The following TIAM1 variants were observed in gnomAD, a reference collection of about 807,000 sequenced individuals.
The protein encoded by TIAM1 is rho guanine nucleotide exchange factor TIAM1.
A neutral mutation model predicts 163.5 loss-of-function variants in TIAM1; 65 were observed. The observed-to-expected ratio is 0.40, with a 90% CI of 0.33 to 0.49. TIAM1 has a LOEUF of 0.49. Among genes scored for constraint, TIAM1 ranks in the 20% least tolerant of loss-of-function variants. The pLI is 0.77. For synonymous variants in TIAM1, 833 were observed against 810.1 expected, an observed-to-expected ratio of 1.03 and a Z score of -0.48; for missense variants, 1,789 against 2,044.7, an observed-to-expected ratio of 0.87 and a Z score of 2.41.
In TIAM1 at chr21:31,210,746, GGGAGAAAGAA is replaced by G. The variant is rs1569034186; in HGVS notation, c.2218-541_2218-532del. Among the ~76,000 whole-genome samples, 112 of 82,234 alleles carry G rather than the reference GGGAGAAAGAA, an allele frequency of 1.4e-3. 2 individuals carry two copies. The highest frequency in any genetic ancestry group is 8.8e-3 in the East Asian group (25 of 2,832). 53.9% of individuals were successfully genotyped at this position (82,234 alleles called of 152,430 possible). On this transcript the variant is annotated intron_variant, in intron 10 of 27. Transcript: ENST00000541036. ...GAAAGAAAGAGAAAGAAGGAAGGAAGGGAGAAAGAAAGAAAGAAAGAAAGAAAGAAAGAAA... is the reference window on the plus strand; with the variant it reads ...GAAAGAAAGAGAAAGAAGGAAGGAAGAGAAAGAAAGAAAGAAAGAAAGAAA...
Position 31,130,341 on chromosome 21 carries a change from A to G in TIAM1, c.3943-26T>C. The G allele has an allele frequency of 4.4e-6, 7 of 1,587,722 alleles. No individual in the cohort carries two copies. In the South Asian group the frequency reaches 4.4e-5, roughly 10 times the overall value. ...CTGCAGAGGAGAAGGAACCAGCTGCATAAGAAGAATCTAACCTGCCCCGGA... is the reference window on the plus strand; with the variant it reads ...CTGCAGAGGAGAAGGAACCAGCTGCGTAAGAAGAATCTAACCTGCCCCGGA... On this transcript the variant is annotated intron_variant, in intron 24 of 27. Coordinates refer to ENST00000541036, the MANE Select transcript of TIAM1 (RefSeq NM_001353694.2).
chr21:31,339,821 A>G (rs1312292801), intron 1 of TIAM1, among the ~76,000 whole-genome samples: 1 of 152,206 alleles, frequency 6.6e-6, no homozygotes, highest in East Asian at 1.9e-4. Context: ...CTTCCCTAAA[A>G]GTGTTACCAA....
chr21:31,171,689 C>T (rs2084521034), intron 15 of TIAM1, among the ~76,000 whole-genome samples: 1 of 152,166 alleles, frequency 6.6e-6, no homozygotes, highest in South Asian at 2.1e-4. Context: ...TAAGCGCAGA[C>T]TTTTATGTCT....
chr21:31,486,150 G>A (rs1186469586), intron 1 of TIAM1, among the ~76,000 whole-genome samples: 1 of 152,222 alleles, frequency 6.6e-6, no homozygotes. Context: ...GAACTGTGGG[G>A]AGGGAGGTGC....
intron 20 of TIAM1, among the ~76,000 whole-genome samples, chr21:31,142,937 C>T (rs1480530555): frequency 6.6e-6 from 1 of 152,102 alleles, no homozygotes; most frequent in Non-Finnish European, 1.5e-5. Context: ...GATACGAAGC[C>T]GTGGCTAATG....
intron 1 of TIAM1, among the ~76,000 whole-genome samples, chr21:31,524,640 A>C (rs932966229): frequency 6.6e-6 from 1 of 152,200 alleles, no homozygotes; most frequent in African/African-American, 2.4e-5. Flanking sequence ...GAATAATCAG[A>C]GTTTACTCTC....
intron 1 of TIAM1, among the ~76,000 whole-genome samples, chr21:31,475,525 G>A (rs1359746256): frequency 1.3e-5 from 2 of 152,190 alleles, no homozygotes; most frequent in Non-Finnish European, 2.9e-5. Flanking sequence ...TCCTTGGGGT[G>A]CAAAGGAGGC....
intron 1 of TIAM1, among the ~76,000 whole-genome samples, chr21:31,542,375 C>G (rs776180004): frequency 6.6e-6 from 1 of 151,446 alleles, no homozygotes; most frequent in Non-Finnish European, 1.5e-5. Context: ...TACAGTGAGC[C>G]GAGACCGCGC....
At chr21:31,157,952 GAC>G (rs1315941272) in intron 16 of TIAM1, among the ~76,000 whole-genome samples, 3 of 152,162 alleles carry the variant, frequency 2.0e-5, no homozygotes, top group Non-Finnish European at 4.4e-5. Flanking sequence ...AATTCCAAAA[GAC>G]AAAGGAACCT....
chr21:31,130,177 A>G (rs769324396), intron 25 of TIAM1, 36 bp downstream of exon 25: 9 of 1,550,764 alleles, frequency 5.8e-6, no homozygotes, highest in Non-Finnish European at 8.0e-6. Flanking sequence ...CATCAGAAAT[A>G]TGTGTGTGAA....
chr21:31,463,851 C>T (rs1190000423), intron 2 of TIAM1: 1 of 149,552 alleles, frequency 6.7e-6, no homozygotes, highest in Non-Finnish European at 1.5e-5. Flanking sequence ...AATCAACAAA[C>T]AGCAGGCACA....
At chr21:31,284,794 G>GA (rs2073729495) in intron 2 of TIAM1, among the ~76,000 whole-genome samples, 1 of 152,010 alleles carries the variant, frequency 6.6e-6, no homozygotes, top group Non-Finnish European at 1.5e-5. Context: ...CCAAAGTGAG[G>GA]AATTTGGTTC....
upstream of TIAM1, among the ~76,000 whole-genome samples, chr21:31,348,573 A>T (rs181213056): frequency 3.3e-5 from 5 of 152,354 alleles, no homozygotes; most frequent in Admixed American, 3.3e-4. Flanking sequence ...GGTTTTTCAT[A>T]ACTACATTTT....
chr21:31,486,013 C>T (rs1242673866), intron 1 of TIAM1, among the ~76,000 whole-genome samples: 1 of 152,190 alleles, frequency 6.6e-6, no homozygotes, highest in East Asian at 1.9e-4. Context: ...TCTTCACATA[C>T]ACGATCTGCT....
intron 2 of TIAM1, among the ~76,000 whole-genome samples, chr21:31,385,961 TTA>T (rs2076864297): frequency 1.4e-5 from 2 of 147,786 alleles, no homozygotes; most frequent in Non-Finnish European, 3.0e-5. Context: ...TATTAATATA[TTA>T]TATATAATAT....
chr21:31,342,624 T>A (rs1182511598), intron 1 of TIAM1, among the ~76,000 whole-genome samples: 2 of 152,192 alleles, frequency 1.3e-5, no homozygotes, highest in African/African-American at 2.4e-5. Flanking sequence ...TCCTGTTGAG[T>A]GAGTTACTAA....
chr21:31,395,711 C>T lies in TIAM1; in HGVS notation c.-368-56289G>A, dbSNP rs1004054371. Among the ~76,000 whole-genome samples, 10 of 152,110 alleles carry T rather than the reference C, an allele frequency of 6.6e-5. No homozygotes were observed. The highest frequency in any genetic ancestry group is 2.1e-4 in the South Asian group (1 of 4,820). On this transcript the variant is annotated intron_variant, in intron 2 of 28. Coordinates refer to the TIAM1 transcript ENST00000286827. The surrounding 1 kb of genome is among the most constrained non-coding windows in gnomAD (Gnocchi z 7.5). Reference sequence around the variant, plus strand: ...ATCTATCTTGGGGAGGGGGCGCATGCGTTCCCCTGGCTGTCGCGTGAAAAT... The same window carrying T: ...ATCTATCTTGGGGAGGGGGCGCATGTGTTCCCCTGGCTGTCGCGTGAAAAT...
chr21:31,411,879 G>A (rs1432806473), intron 2 of TIAM1, among the ~76,000 whole-genome samples: 1 of 152,124 alleles, frequency 6.6e-6, no homozygotes, highest in East Asian at 1.9e-4. Flanking sequence ...CGTATGTAAT[G>A]GGCAATCGGA....
intron 1 of TIAM1, among the ~76,000 whole-genome samples, chr21:31,469,079 C>CTTTTTT (rs765505214): frequency 9.0e-6 from 1 of 110,922 alleles, no homozygotes; most frequent in East Asian, 3.0e-4. Flanking sequence ...GAACCAATCC[C>CTTTTTT]TTTTTTTTTT....
Sources: gnomAD v4.1 joint callset for allele counts (sites outside exome capture counted in the v4.1 genomes callset) on GRCh38, gnomAD v4.1.1 for gene constraint, Gnocchi (gnomAD v3.1) non-coding constraint, MANE v1.5 for transcripts, NCBI Gene and HGNC (gene_info 2026-07-23, HGNC 2026-07-21) for gene names.